NCKAP5: variants seen among roughly 807,000 people sequenced by gnomAD.
The protein encoded by NCKAP5 is nck-associated protein 5.
NCKAP5 carries 92 observed loss-of-function variants against 167.0 expected under a neutral mutation model. The ratio of observed to expected loss-of-function variants is 0.55; its 90% confidence interval spans 0.47 to 0.66. NCKAP5 has a LOEUF of 0.66. NCKAP5 is among the 30% of genes least tolerant of loss of function. NCKAP5 has a pLI of 0.00. For synonymous variants in NCKAP5, 891 were observed against 877.4 expected, an observed-to-expected ratio of 1.02 and a Z score of -0.27; for missense variants, 2,378 against 2,315.0, an observed-to-expected ratio of 1.03 and a Z score of -0.56.
chr2:133,044,216 C>T (rs922706672), intron 6 of NCKAP5, among the ~76,000 whole-genome samples: 22 of 151,970 alleles, frequency 1.4e-4, no homozygotes, highest in African/African-American at 4.6e-4. Context: ...CGCAGAAGTA[C>T]AAATAGCAAA....
intron 11 of NCKAP5, among the ~76,000 whole-genome samples, chr2:132,850,699 C>T (rs1409183508): frequency 6.6e-6 from 1 of 152,000 alleles, no homozygotes; most frequent in African/African-American, 2.4e-5. Context: ...CACATGTTAA[C>T]CTGCTAGAAC....
intron 5 of NCKAP5, among the ~76,000 whole-genome samples, chr2:133,143,545 G>A (rs2083078117): frequency 6.6e-6 from 1 of 152,128 alleles, no homozygotes; most frequent in African/African-American, 2.4e-5. Flanking sequence ...TACAGCTAGT[G>A]CCAGCAGCCC....
At position 133,208,672 on chromosome 2, in the gene NCKAP5, A is replaced by C. The variant is rs117302077; in HGVS notation, c.207+5044T>G. Among the ~76,000 whole-genome samples the C allele has an allele frequency of 3.3e-5, 5 of 152,342 alleles. No homozygotes were observed. The East Asian group carries it at 9.7e-4, about 29-fold the overall frequency. ...GAAATCTGGATAAAGCATGGACTTC[A>C]TTAATAGTGTATCAATATTAGCTCA... On this transcript the variant is annotated intron_variant, in intron 5 of 19. Coordinates refer to ENST00000409261, the MANE Select transcript of NCKAP5 (RefSeq NM_207363.3).
intron 16 of NCKAP5, among the ~76,000 whole-genome samples, chr2:132,773,327 C>G (rs184655092): frequency 1.7e-4 from 26 of 152,286 alleles, no homozygotes; most frequent in African/African-American, 6.0e-4. Flanking sequence ...ACGTGGCTGA[C>G]AAGCTGAACT....
At chr2:133,019,247 C>A (rs2078445025) in intron 6 of NCKAP5, among the ~76,000 whole-genome samples, 1 of 152,136 alleles carries the variant, frequency 6.6e-6, no homozygotes, top group Non-Finnish European at 1.5e-5. Flanking sequence ...CGTTGCAGCT[C>A]TTTTTTTGTT....
chr2:133,625,579 G>A, the NCKAP5 span, among the ~76,000 whole-genome samples: 1 of 152,072 alleles, frequency 6.6e-6, no homozygotes, highest in Non-Finnish European at 1.5e-5. Context: ...GGCTCCCACT[G>A]GCCAAAGGTG....
chr2:133,396,354 C>T (rs773511310), intron 3 of NCKAP5, among the ~76,000 whole-genome samples: 3 of 152,100 alleles, frequency 2.0e-5, no homozygotes, highest in Non-Finnish European at 4.4e-5. Flanking sequence ...CTGAACTCAG[C>T]TCGTTTTCAC....
chr2:133,590,448 C>G, the NCKAP5 span, among the ~76,000 whole-genome samples: 16 of 148,772 alleles, frequency 1.1e-4, no homozygotes, highest in African/African-American at 4.0e-4. Context: ...GGCGTGAACC[C>G]GGGAGGCAGA....
intron 3 of NCKAP5, among the ~76,000 whole-genome samples, chr2:133,434,804 G>T (rs150641544): frequency 8.2e-4 from 125 of 152,052 alleles, no homozygotes; most frequent in African/African-American, 2.9e-3. Context: ...TTTTTTAAAG[G>T]ACCACATTTC....
chr2:133,540,985 T>C (rs1686186233), intron 2 of NCKAP5, among the ~76,000 whole-genome samples: 1 of 142,666 alleles, frequency 7.0e-6, no homozygotes, highest in East Asian at 2.1e-4. Flanking sequence ...TTTCAATGGG[T>C]AAGGGAAACA....
At chr2:132,960,124 G>C (rs188518897) in intron 8 of NCKAP5, among the ~76,000 whole-genome samples, 2 of 152,246 alleles carry the variant, frequency 1.3e-5, no homozygotes, top group African/African-American at 2.4e-5. Flanking sequence ...AGAAAATCAG[G>C]CTAAAAAGAG....
At chr2:132,679,908 C>T (rs185921706) in intron 19 of NCKAP5, among the ~76,000 whole-genome samples, 3 of 152,064 alleles carry the variant, frequency 2.0e-5, no homozygotes, top group African/African-American at 2.4e-5. Context: ...GTGCTATTTG[C>T]GAAGGGCAGG....
At chr2:133,319,867 A>G (rs1681905869) in intron 3 of NCKAP5, among the ~76,000 whole-genome samples, 1 of 152,204 alleles carries the variant, frequency 6.6e-6, no homozygotes, top group Non-Finnish European at 1.5e-5. Context: ...TTCATGCAAA[A>G]TTAAATTTGC....
chr2:133,327,972 G>A lies in NCKAP5; in HGVS notation c.70-24862C>T, dbSNP rs529786458. Among the ~76,000 whole-genome samples the A allele has an allele frequency of 5.3e-5, 8 of 152,216 alleles. No individual in the cohort carries two copies. The East Asian group carries it at 5.8e-4, about 11-fold the overall frequency. On this transcript the variant is annotated intron_variant, in intron 3 of 19. Coordinates refer to ENST00000409261, the MANE Select transcript of NCKAP5 (RefSeq NM_207363.3). ...TACAATGCCCAGGATAGCCCCCACC[G>A]CAGAGATTATTGAGCCCCAAGTAGT... is the stretch of plus-strand genomic sequence containing the variant.
At chr2:133,171,276 A>G (rs992178954) in intron 5 of NCKAP5, among the ~76,000 whole-genome samples, 6 of 152,220 alleles carry the variant, frequency 3.9e-5, no homozygotes, top group Non-Finnish European at 8.8e-5. Context: ...TGCTTAATTA[A>G]AGATTCAATC....
At position 133,266,583 on chromosome 2, in the gene NCKAP5, C is replaced by G. The variant is rs895229515; in HGVS notation, c.143+36454G>C. The G allele has an allele frequency of 2.6e-5, 4 of 152,488 alleles. 1 individual carries two copies. Among genetic ancestry groups the G allele is most frequent in the Admixed American group, 2.6e-4 (4 of 15,302 alleles). 9.4% of individuals were successfully genotyped at this position (152,488 alleles called of 1,614,324 possible). ...GCGCTGCGTCCCCAGGGGTTGACTC[C>G]GCAGCGCCTTCACTTCGGGGGCAGC... On this transcript the variant is annotated intron_variant, in intron 4 of 19. Coordinates refer to ENST00000409261, the MANE Select transcript of NCKAP5 (RefSeq NM_207363.3).
At chr2:132,973,627 A>G (rs2149244287) in intron 7 of NCKAP5, among the ~76,000 whole-genome samples, 1 of 152,294 alleles carries the variant, frequency 6.6e-6, no homozygotes, top group Non-Finnish European at 1.5e-5. Flanking sequence ...ACATAATTTC[A>G]TTAAGATTAG....
intron 6 of NCKAP5, among the ~76,000 whole-genome samples, chr2:133,087,458 C>T (rs369546330): frequency 4.8e-4 from 73 of 152,298 alleles, no homozygotes; most frequent in African/African-American, 1.5e-3. Flanking sequence ...TCTCCATATT[C>T]GTTCAATTAA....
At chr2:133,394,574 A>G (rs2151000859) in intron 3 of NCKAP5, among the ~76,000 whole-genome samples, 1 of 152,350 alleles carries the variant, frequency 6.6e-6, no homozygotes, top group East Asian at 1.9e-4. Flanking sequence ...CTTATAGCAA[A>G]GCTTTAGATA....
Sources: gnomAD v4.1 joint callset for allele counts (sites outside exome capture counted in the v4.1 genomes callset) on GRCh38, gnomAD v4.1.1 for gene constraint, MANE v1.5 for transcripts, NCBI Gene and HGNC (gene_info 2026-07-23, HGNC 2026-07-21) for gene names.